The following USP54 variants were observed in gnomAD, a reference collection of about 807,000 sequenced individuals.
The protein encoded by USP54 is ubiquitin specific peptidase 54, also known as ubiquitin carboxyl-terminal hydrolase 54.
A neutral mutation model predicts 170.5 loss-of-function variants in USP54; 87 were observed. That is an observed-to-expected ratio of 0.51 (90% CI 0.43 to 0.61). The LOEUF (loss-of-function observed/expected upper bound fraction) is 0.61, where lower values mean the gene tolerates loss of function less well. Among genes scored for constraint, USP54 ranks in the 20% least tolerant of loss-of-function variants. USP54 has a pLI of 0.00. For missense variants in USP54, 1,786 were observed against 2,047.8 expected (o/e 0.87, Z 2.47); for synonymous variants, 655 against 742.8 (o/e 0.88, Z 1.92).
intron 5 of USP54, among the ~76,000 whole-genome samples, chr10:73,543,338 C>T (rs753893571): frequency 2.6e-5 from 4 of 152,040 alleles, no homozygotes; most frequent in African/African-American, 4.8e-5. Flanking sequence ...ACCCAGCTTC[C>T]TCCAACAGTA....
chr10:73,612,628 G>A (rs906922373), intron 1 of USP54, among the ~76,000 whole-genome samples: 2 of 151,992 alleles, frequency 1.3e-5, no homozygotes, highest in Non-Finnish European at 2.9e-5. Context: ...CATCACCTGA[G>A]ATCAGGAGAT....
intron 1 of USP54, among the ~76,000 whole-genome samples, chr10:73,609,248 T>A (rs2079930796): frequency 6.6e-6 from 1 of 152,152 alleles, no homozygotes; most frequent in South Asian, 2.1e-4. Context: ...ACCAAAGAAC[T>A]ATCTTGTTTT....
intron 5 of USP54, among the ~76,000 whole-genome samples, chr10:73,543,472 T>C (rs1358720766): frequency 2.0e-5 from 3 of 152,194 alleles, no homozygotes; most frequent in African/African-American, 7.2e-5. Flanking sequence ...GTTCACGCCA[T>C]TCTCCTGCCT....
chr10:73,621,610 A>AAC (rs2081102440), intron 1 of USP54, among the ~76,000 whole-genome samples: 1 of 151,824 alleles, frequency 6.6e-6, no homozygotes, highest in South Asian at 2.1e-4. Flanking sequence ...AAAAAAAAAA[A>AAC]AAAAAAAAAC....
At chr10:73,529,064 T>C (rs909200072) in intron 15 of USP54, 3 of 152,392 alleles carry the variant, frequency 2.0e-5, no homozygotes, top group African/African-American at 4.8e-5. Context: ...AATACAGAAA[T>C]CTTCACAAAT....
At chr10:73,530,682 G>A (rs746533396) in intron 13 of USP54, 22 bp downstream of exon 13, 4 of 1,612,468 alleles carry the variant, frequency 2.5e-6, no homozygotes, top group Non-Finnish European at 3.4e-6. Context: ...AGGAGAAAGA[G>A]AAGCAGTGCA....
At chr10:73,550,124 A>T (rs1250455074) in intron 4 of USP54, among the ~76,000 whole-genome samples, 3 of 152,056 alleles carry the variant, frequency 2.0e-5, no homozygotes, top group Non-Finnish European at 4.4e-5. Flanking sequence ...GGGTTTTGCT[A>T]TGTTGGCCAG....
In USP54 at chr10:73,527,036, T is replaced by C. The variant is rs566883159; in HGVS notation, c.2061-256A>G. ...TCTGTTGAATGTACTAATGAACATA[T>C]TGGTTTCATATTTATTTCCTTCTTT... On this transcript the variant is annotated intron_variant, in intron 15 of 23. Coordinates refer to ENST00000687698, the MANE Select transcript of USP54 (RefSeq NM_001391956.1). Among the ~76,000 whole-genome samples, 26 of 152,356 alleles carry C rather than the reference T, an allele frequency of 1.7e-4. No individual in the cohort carries two copies. In the South Asian group the frequency reaches 5.2e-3, roughly 30 times the overall value.
intron 4 of USP54, among the ~76,000 whole-genome samples, chr10:73,555,200 T>G (rs920234955): frequency 6.6e-6 from 1 of 152,232 alleles, no homozygotes; most frequent in African/African-American, 2.4e-5. Context: ...TACGAACTCT[T>G]GATCTAACTT....
upstream of USP54, chr10:73,625,924 G>T (rs1429686709): frequency 2.0e-5 from 3 of 151,656 alleles, no homozygotes; most frequent in East Asian, 3.9e-4. Flanking sequence ...CCCCCTGAGG[G>T]TGTCGCACTC....
chr10:73,509,184 G>A (rs1238335821), intron 20 of USP54, among the ~76,000 whole-genome samples: 1 of 147,624 alleles, frequency 6.8e-6, no homozygotes, highest in Non-Finnish European at 1.5e-5. Flanking sequence ...ATCCTGACTT[G>A]AAATAAAACA....
At chr10:73,608,437 A>C (rs571797084) in intron 1 of USP54, among the ~76,000 whole-genome samples, 1 of 152,314 alleles carries the variant, frequency 6.6e-6, no homozygotes, top group Admixed American at 6.5e-5. Flanking sequence ...ACTATCTTTT[A>C]AAACTTAAAT....
intron 4 of USP54, among the ~76,000 whole-genome samples, chr10:73,569,327 T>C (rs2074529012): frequency 6.6e-6 from 1 of 152,346 alleles, no homozygotes; most frequent in African/African-American, 2.4e-5. Context: ...ACTTAATGTA[T>C]CTTTCAGAAA....
intron 10 of USP54, among the ~76,000 whole-genome samples, chr10:73,537,066 TC>T (rs2065384808): frequency 6.6e-6 from 1 of 152,162 alleles, no homozygotes; most frequent in South Asian, 2.1e-4. Context: ...TTCAACCCAA[TC>T]CTCAAACTCA....
intron 4 of USP54, chr10:73,553,331 G>A (rs2070062365): frequency 6.6e-6 from 1 of 152,116 alleles, no homozygotes; most frequent in African/African-American, 2.4e-5. Context: ...GTCTTGCTCT[G>A]CTATTGTTAG....
chr10:73,605,052 T>A (rs1239169266), intron 1 of USP54, among the ~76,000 whole-genome samples: 1 of 152,058 alleles, frequency 6.6e-6, no homozygotes, highest in African/African-American at 2.4e-5. Context: ...ATCCTTTAGC[T>A]AGACACGGAG....
At chr10:73,538,218 A>AT (rs2065719269) in intron 10 of USP54, 2 of 150,888 alleles carry the variant, frequency 1.3e-5, no homozygotes. Flanking sequence ...AAAAAAAAAA[A>AT]GTTTCTCATT....
intron 20 of USP54, among the ~76,000 whole-genome samples, chr10:73,508,785 AGCCTCCCGAGTAGCT>A (rs1302526507): frequency 1.3e-5 from 2 of 151,206 alleles, no homozygotes; most frequent in Non-Finnish European, 2.9e-5. Context: ...CTCCTGCCTC[AGCCTCCCGAGTAGCT>A]GGGACTACAG....
chr10:73,515,456 AACTG>A (rs1406103275), intron 20 of USP54, among the ~76,000 whole-genome samples: 1 of 152,190 alleles, frequency 6.6e-6, no homozygotes, highest in African/African-American at 2.4e-5. Context: ...CAATTTCCAG[AACTG>A]ACTATGATGT....
Sources: allele counts gnomAD v4.1 joint callset (sites outside exome capture counted in the v4.1 genomes callset), GRCh38; gene constraint gnomAD v4.1.1; transcripts MANE v1.5; gene names NCBI Gene and HGNC (gene_info 2026-07-23, HGNC 2026-07-21).